Variants in ENTREP2 observed in about 807,000 individuals in gnomAD.
The protein encoded by ENTREP2 is endosomal transmembrane epsin interactor 2, also known as protein ENTREP2.
the ENTREP2 span, among the ~76,000 whole-genome samples, chr15:29,299,994 T>C: frequency 0.18 from 26,109 of 141,828 alleles, 2,788 homozygotes; most frequent in Non-Finnish European, 0.25. Flanking sequence ...GCTAGGTGGG[T>C]GGGTGGATGG....
At chr15:29,240,062 T>C in the ENTREP2 span, among the ~76,000 whole-genome samples, 1 of 152,216 alleles carries the variant, frequency 6.6e-6, no homozygotes, top group Non-Finnish European at 1.5e-5. Context: ...AAAAAGCATG[T>C]GTTGAAAACT....
At chr15:29,371,911 AATAG>A in the ENTREP2 span, among the ~76,000 whole-genome samples, 16,201 of 149,540 alleles carry the variant, frequency 0.11, 1,137 homozygotes, top group African/African-American at 0.19. Context: ...AAAATAAATA[AATAG>A]ATAGATAGAT....
chr15:29,387,545 G>A, the ENTREP2 span, among the ~76,000 whole-genome samples: 11 of 152,124 alleles, frequency 7.2e-5, no homozygotes, highest in South Asian at 2.1e-4. Context: ...ACATAATGCC[G>A]AAGGTAATTT....
the ENTREP2 span, among the ~76,000 whole-genome samples, chr15:29,360,211 A>G: frequency 6.6e-6 from 1 of 152,230 alleles, no homozygotes; most frequent in Non-Finnish European, 1.5e-5. Flanking sequence ...TTCTAACGCT[A>G]TATCTTTATA....
the ENTREP2 span, among the ~76,000 whole-genome samples, chr15:29,231,886 TTTTCTTTC>T: frequency 7.9e-5 from 9 of 113,970 alleles, no homozygotes; most frequent in South Asian, 3.5e-4. Flanking sequence ...TTTTCTTTTC[TTTTCTTTC>T]TTTTTTTTTT....
chr15:29,459,301 C>T, the ENTREP2 span, among the ~76,000 whole-genome samples: 5 of 152,278 alleles, frequency 3.3e-5, 1 homozygote, highest in East Asian at 7.7e-4. Context: ...TGGCCCATGG[C>T]CTGTGGAGAA....
the ENTREP2 span, among the ~76,000 whole-genome samples, chr15:29,428,231 T>G: frequency 6.6e-6 from 1 of 152,234 alleles, no homozygotes; most frequent in African/African-American, 2.4e-5. Flanking sequence ...TTTGTTTGTT[T>G]GAGACAGAGT....
At chr15:29,626,676 T>G in the ENTREP2 span, among the ~76,000 whole-genome samples, 1 of 152,216 alleles carries the variant, frequency 6.6e-6, no homozygotes, top group Admixed American at 6.5e-5. Context: ...TTATTTTCTT[T>G]TCTTGCCTTA....
chr15:29,307,343 A>G, the ENTREP2 span, among the ~76,000 whole-genome samples: 8 of 152,306 alleles, frequency 5.3e-5, no homozygotes, highest in African/African-American at 1.9e-4. Context: ...GAACATGCTG[A>G]TAATTGACAT....
the ENTREP2 span, among the ~76,000 whole-genome samples, chr15:29,513,606 T>C: frequency 8.2e-4 from 125 of 152,330 alleles, no homozygotes; most frequent in African/African-American, 2.9e-3. Context: ...GCAATTCTCA[T>C]TTTAGCAAGA....
At chr15:29,261,051 T>C in the ENTREP2 span, among the ~76,000 whole-genome samples, 1 of 152,166 alleles carries the variant, frequency 6.6e-6, no homozygotes, top group Non-Finnish European at 1.5e-5. Context: ...AAATAGACTA[T>C]ATAATATTTG....
the ENTREP2 span, among the ~76,000 whole-genome samples, chr15:29,647,658 T>G: frequency 2.0e-5 from 3 of 152,152 alleles, no homozygotes; most frequent in African/African-American, 7.2e-5. Flanking sequence ...CACCTTATAT[T>G]CCTTCCAGTC....
At chr15:29,503,928 C>A in the ENTREP2 span, among the ~76,000 whole-genome samples, 1 of 152,050 alleles carries the variant, frequency 6.6e-6, no homozygotes, top group Non-Finnish European at 1.5e-5. Flanking sequence ...ATTTTGTATT[C>A]TTTCTGTTAA....
the ENTREP2 span, among the ~76,000 whole-genome samples, chr15:29,631,640 G>A: frequency 5.2e-4 from 79 of 152,306 alleles, no homozygotes; most frequent in Non-Finnish European, 1.1e-3. Context: ...AGCTGTCTGC[G>A]CCAGACCTTC....
the ENTREP2 span, among the ~76,000 whole-genome samples, chr15:29,341,177 G>A: frequency 6.6e-6 from 1 of 152,170 alleles, no homozygotes; most frequent in East Asian, 1.9e-4. Context: ...TCACACCTTC[G>A]TCGTTTGTGT....
chr15:29,510,053 CA>C, the ENTREP2 span, among the ~76,000 whole-genome samples: 1 of 150,790 alleles, frequency 6.6e-6, no homozygotes, highest in Non-Finnish European at 1.5e-5. Flanking sequence ...AAATTTACAA[CA>C]AAAAACAAAC....
At chr15:29,668,973 A>G in the ENTREP2 span, among the ~76,000 whole-genome samples, 2 of 152,166 alleles carry the variant, frequency 1.3e-5, no homozygotes, top group African/African-American at 4.8e-5. Flanking sequence ...CCTAGTCATC[A>G]TTTATTGCCC....
At chr15:29,617,615 A>G in the ENTREP2 span, among the ~76,000 whole-genome samples, 12 of 152,364 alleles carry the variant, frequency 7.9e-5, no homozygotes, top group Admixed American at 6.5e-5. Context: ...CGCCATCAGC[A>G]TTCATCAACA....
the ENTREP2 span, among the ~76,000 whole-genome samples, chr15:29,642,344 T>C: frequency 6.6e-6 from 1 of 151,790 alleles, no homozygotes; most frequent in Non-Finnish European, 1.5e-5. Flanking sequence ...TGCATCTCTA[T>C]ATTCAACTGA....
Sources: allele counts gnomAD v4.1 joint callset (sites outside exome capture counted in the v4.1 genomes callset), GRCh38; gene constraint gnomAD v4.1.1; transcripts MANE v1.5; gene names NCBI Gene and HGNC (gene_info 2026-07-23, HGNC 2026-07-21).